The following GGT1 variants were observed in gnomAD, a reference collection of about 807,000 sequenced individuals.
GGT1 encodes gamma-glutamyltransferase 1, also known as glutathione hydrolase 1 proenzyme.
GGT1 carries 21 observed loss-of-function variants against 56.0 expected under a neutral mutation model. The ratio of observed to expected loss-of-function variants is 0.38; its 90% CI spans 0.27 to 0.54. The LOEUF (loss-of-function observed/expected upper bound fraction) is 0.54, where lower values mean the gene tolerates loss of function less well. Ranked by LOEUF, GGT1 falls within the 20% of genes least tolerant of loss-of-function variation. GGT1 has a pLI of 0.82. For synonymous variants in GGT1, 238 were observed against 342.6 expected (o/e 0.69, Z 3.37); for missense variants, 466 against 787.0 (o/e 0.59, Z 4.88).
chr22:24,614,348 CAAA>C (rs534749815), intron 5 of GGT1, among the ~76,000 whole-genome samples: 369 of 10,518 alleles, frequency 0.035, no homozygotes, highest in African/African-American at 0.093. Flanking sequence ...GACTTTGTCT[CAAA>C]AAAAAAAAAA....
chr22:24,589,844 G>C (rs765867399), upstream of GGT1: 1 of 1,613,488 alleles, frequency 6.2e-7, no homozygotes, highest in Non-Finnish European at 8.5e-7. Flanking sequence ...TGCAGGTCCC[G>C]GGCCAGGTTC....
chr22:24,628,935 A>C lies in GGT1; in HGVS notation c.*96A>C, dbSNP rs998223745. On this transcript the variant is annotated 3_prime_UTR_variant, in exon 16 of 16. Coordinates refer to ENST00000400382, the MANE Select transcript of GGT1 (RefSeq NM_001288833.2). This position sits in a 1 kb window ranked among gnomAD's most constrained non-coding sequence, Gnocchi z 5.7. ...TGGGGGACCGGCTTCCCCTGTGAGCAGCAGAGCAGCACAATAAATGAGGCC... is the reference window on the plus strand; with the variant it reads ...TGGGGGACCGGCTTCCCCTGTGAGCCGCAGAGCAGCACAATAAATGAGGCC... 6.3e-7 allele frequency: 1 copy of C among 1,576,984 alleles called. No individual in the cohort carries two copies. Among genetic ancestry groups the C allele is most frequent in the Non-Finnish European group, 8.6e-7 (1 of 1,160,220 alleles).
chr22:24,589,728 A>T, the GGT1 span: 1 of 1,403,716 alleles, frequency 7.1e-7, no homozygotes, highest in Middle Eastern at 2.4e-4. Context: ...CAAGCCGCAG[A>T]AGGACCTAGC....
At chr22:24,618,864 G>C (rs2047230395) in intron 7 of GGT1, among the ~76,000 whole-genome samples, 1 of 152,148 alleles carries the variant, frequency 6.6e-6, no homozygotes, top group African/African-American at 2.4e-5. Flanking sequence ...TACCTTTCTG[G>C]GCAAAGGGTC....
Position 24,606,236 on chromosome 22 carries a change from C to G in GGT1, c.-428-1718C>G, listed in dbSNP as rs528137126. Among the ~76,000 whole-genome samples the G allele has an allele frequency of 2.3e-4, 34 of 149,498 alleles. 1 individual carries two copies. In the South Asian group the frequency reaches 6.7e-3, roughly 29 times the overall value. On this transcript the variant is annotated intron_variant, in intron 1 of 15. Transcript: ENST00000400382. ...ATGTGCCATGTTGGTGTGCTGCACCCATTAACTTGTCATTTACATTAGGTA... is the reference window on the plus strand; with the variant it reads ...ATGTGCCATGTTGGTGTGCTGCACCGATTAACTTGTCATTTACATTAGGTA...
the GGT1 span, among the ~76,000 whole-genome samples, chr22:24,587,664 G>A: frequency 6.6e-6 from 1 of 152,192 alleles, no homozygotes; most frequent in Admixed American, 6.5e-5. Context: ...TGGAGTGTCT[G>A]AGAGGGACCC....
At chr22:24,612,826 C>T (rs2046806140) in intron 5 of GGT1, among the ~76,000 whole-genome samples, 1 of 152,052 alleles carries the variant, frequency 6.6e-6, no homozygotes, top group South Asian at 2.1e-4. Flanking sequence ...CATGCCCGGC[C>T]GGGCTTATTC....
chr22:24,627,549 G>T lies in GGT1; in HGVS notation c.1138G>T (p.Gly380Cys). ...CGAGTTCTACACGCCGGATGACGGG[G>T]GCACTGCTCACCTGTCTGTCGTCGC... ...KPEFYTPDDG[G>C]TAHLSVVAED... The change falls in exon 12 of 16, where the codon GGC becomes TGC. Residue 380 changes from glycine to cysteine, a missense_variant. By Grantham distance (159) the Gly-to-Cys change is radical. Coordinates refer to ENST00000400382, the MANE Select transcript of GGT1 (RefSeq NM_001288833.2). The T allele has an allele frequency of 1.2e-6, 2 of 1,611,706 alleles. No homozygotes were observed. Among genetic ancestry groups the T allele is most frequent in the South Asian group, 2.2e-5 (2 of 90,972 alleles).
chr22:24,624,062 A>G, intron 11 of GGT1, 146 bp downstream of exon 11: 5 of 1,505,950 alleles, frequency 3.3e-6, no homozygotes, highest in Admixed American at 2.1e-5. Flanking sequence ...GTGTGCTCGG[A>G]TGGACTCGTG....
At chr22:24,616,568 T>G (rs2047081207) in intron 7 of GGT1, among the ~76,000 whole-genome samples, 2 of 149,190 alleles carry the variant, frequency 1.3e-5, no homozygotes, top group East Asian at 2.0e-4. Flanking sequence ...TTTTTTTTTT[T>G]GTCACCCAGA....
intron 9 of GGT1, among the ~76,000 whole-genome samples, chr22:24,622,025 G>A (rs1477622350): frequency 1.4e-5 from 2 of 148,046 alleles, no homozygotes; most frequent in Non-Finnish European, 3.0e-5. Flanking sequence ...ACTCCACAGA[G>A]TGAGATTCCA....
intron 1 of GGT1, among the ~76,000 whole-genome samples, chr22:24,607,364 G>T (rs1345971381): frequency 1.3e-5 from 2 of 152,170 alleles, no homozygotes; most frequent in Non-Finnish European, 2.9e-5. Flanking sequence ...CACTGGCTGT[G>T]AGTTCAGATG....
the GGT1 span, chr22:24,585,485 C>A: frequency 4.4e-6 from 1 of 229,426 alleles, no homozygotes. Flanking sequence ...ATCTTAGACT[C>A]CATGGGGGAC....
chr22:24,592,429 G>A (rs748423830), upstream of GGT1: 4 of 470,556 alleles, frequency 8.5e-6, 1 homozygote, highest in South Asian at 6.2e-5. Flanking sequence ...GGATCCTGGA[G>A]GAGGGGGAAG....
the GGT1 span, chr22:24,589,415 A>G: frequency 2.9e-6 from 3 of 1,035,210 alleles, no homozygotes; most frequent in Non-Finnish European, 3.6e-6. Context: ...CGGGGGCTCT[A>G]GCCGAGAGCG....
chr22:24,611,446 A>G (rs2046649696), intron 5 of GGT1, among the ~76,000 whole-genome samples: 2 of 151,728 alleles, frequency 1.3e-5, no homozygotes, highest in South Asian at 4.2e-4. Context: ...CTCAGTTCTA[A>G]GAGTCTCTGT....
upstream of GGT1, chr22:24,593,185 C>T (rs780771421): frequency 6.0e-6 from 5 of 839,780 alleles, no homozygotes; most frequent in Non-Finnish European, 7.2e-6. Flanking sequence ...CACCCCGCGC[C>T]GGAGCGAGGC....
chr22:24,585,906 G>T, the GGT1 span: 1 of 1,597,446 alleles, frequency 6.3e-7, no homozygotes, highest in Non-Finnish European at 8.5e-7. Flanking sequence ...CAGCAGGCCT[G>T]GGGCTCGGGT....
intron 7 of GGT1, among the ~76,000 whole-genome samples, chr22:24,616,627 C>A (rs1479059648): frequency 1.3e-5 from 2 of 149,820 alleles, no homozygotes; most frequent in Admixed American, 1.3e-4. Flanking sequence ...TCACTGCAAG[C>A]TCTGCCTCCT....
Sources: allele counts gnomAD v4.1 joint callset (sites outside exome capture counted in the v4.1 genomes callset), GRCh38; gene constraint gnomAD v4.1.1; non-coding constraint Gnocchi (gnomAD v3.1); transcripts MANE v1.5; gene names NCBI Gene and HGNC (gene_info 2026-07-23, HGNC 2026-07-21).